The following ADCY9 variants were observed in gnomAD, a reference collection of about 807,000 sequenced individuals.
ADCY9 encodes the protein adenylate cyclase type 9.
Under a neutral mutation model 101.5 loss-of-function variants are expected in ADCY9, and 50 were observed. The ratio of observed to expected loss-of-function variants is 0.49; its 90% CI spans 0.39 to 0.62. ADCY9 has a LOEUF of 0.62. Ranked by LOEUF, ADCY9 falls within the 20% of genes least tolerant of loss-of-function variation. The probability of loss-of-function intolerance (pLI) is 0.00; values close to 1 mark genes in which losing one functional copy is unlikely to be tolerated. For missense variants in ADCY9, 1,662 were observed against 1,800.4 expected (o/e 0.92, Z 1.39); for synonymous variants, 905 against 769.3 (o/e 1.18, Z -2.92).
chr16:4,034,550 C>T lies in ADCY9; in HGVS notation c.1694-26992G>A, dbSNP rs576903350. On this transcript the variant is annotated intron_variant, in intron 2 of 10. Transcript: ENST00000294016. ...TCAGCCTCCTGAGTAGCTGGGATTACAGGCACCTGCCACCAGGCCCAGCTA... is the reference window on the plus strand; with the variant it reads ...TCAGCCTCCTGAGTAGCTGGGATTATAGGCACCTGCCACCAGGCCCAGCTA... 2.0e-5 allele frequency among the ~76,000 whole-genome samples: 3 copies of T among 152,284 alleles called. No homozygotes were observed. In the East Asian group the frequency reaches 5.8e-4, roughly 29 times the overall value.
At chr16:4,046,609 C>T (rs1489365653) in intron 2 of ADCY9, among the ~76,000 whole-genome samples, 1 of 152,192 alleles carries the variant, frequency 6.6e-6, no homozygotes, top group African/African-American at 2.4e-5. Context: ...GGCTGTTTTA[C>T]AGCCCTTTAA....
Position 4,115,935 on chromosome 16 carries a change from G to A in ADCY9, c.-289C>T, listed in dbSNP as rs1414162533. ...CGGAGCCCTCCATCCTGCAGGAGCCGCGCTCCGATGCGTCAAAGGCGGCGC... is the reference window on the plus strand; with the variant it reads ...CGGAGCCCTCCATCCTGCAGGAGCCACGCTCCGATGCGTCAAAGGCGGCGC... On this transcript the variant is annotated 5_prime_UTR_variant, in exon 1 of 11. Transcript: ENST00000294016. This position sits in a 1 kb window ranked among gnomAD's most constrained non-coding sequence, Gnocchi z 6.2. The A allele has an allele frequency of 5.3e-6, 2 of 380,400 alleles. No individual in the cohort carries two copies. The highest frequency in any genetic ancestry group is 3.7e-5 in the East Asian group (1 of 26,914). The allele number at this position is 380,400 out of a possible 1,614,324, so 23.6% of individuals were successfully genotyped here.
At chr16:4,092,239 C>T (rs750781239) in intron 2 of ADCY9, among the ~76,000 whole-genome samples, 17 of 152,144 alleles carry the variant, frequency 1.1e-4, no homozygotes, top group Admixed American at 2.6e-4. Context: ...CACTGCACTC[C>T]GGTCTAGGCA....
chr16:4,071,318 C>T lies in ADCY9; in HGVS notation c.1693+42432G>A, dbSNP rs960499590. Among the ~76,000 whole-genome samples, 7 of 72,258 alleles carry T rather than the reference C, an allele frequency of 9.7e-5. No individual in the cohort carries two copies. In the South Asian group the frequency reaches 1.7e-3, roughly 17 times the overall value. The allele number at this position is 72,258 out of a possible 152,430, so 47.4% of individuals were successfully genotyped here. ...TGCACTCCAGCCTGGGCAACAAAAG[C>T]GAAACTCAGTCTCCAAAAAAAAAAA... On this transcript the variant is annotated intron_variant, in intron 2 of 10. Coordinates refer to ENST00000294016, the MANE Select transcript of ADCY9 (RefSeq NM_001116.4).
intron 2 of ADCY9, among the ~76,000 whole-genome samples, chr16:4,080,792 A>G (rs2056897152): frequency 6.6e-6 from 1 of 150,460 alleles, no homozygotes; most frequent in Non-Finnish European, 1.5e-5. Context: ...TCCCGTAGAG[A>G]GCACTTTTTC....
intron 2 of ADCY9, among the ~76,000 whole-genome samples, chr16:4,013,324 G>A (rs1395829930): frequency 6.6e-6 from 1 of 152,176 alleles, no homozygotes. Context: ...GGGAGGCTGA[G>A]GCAGGAGAAT....
chr16:4,090,005 G>A (rs527482879), intron 2 of ADCY9, among the ~76,000 whole-genome samples: 4 of 152,070 alleles, frequency 2.6e-5, no homozygotes, highest in Admixed American at 6.5e-5. Context: ...CCGTGGGCCC[G>A]AGGGCTGCTT....
intron 2 of ADCY9, among the ~76,000 whole-genome samples, chr16:4,041,506 CAAAAAAAAAA>C (rs55669348): frequency 2.1e-5 from 2 of 94,620 alleles, no homozygotes; most frequent in Non-Finnish European, 4.1e-5. Flanking sequence ...GTATTAAAAC[CAAAAAAAAAA>C]AAAAAAAAAA....
downstream of ADCY9, among the ~76,000 whole-genome samples, chr16:3,958,955 G>A (rs892948942): frequency 1.3e-5 from 2 of 151,920 alleles, no homozygotes; most frequent in Non-Finnish European, 2.9e-5. Flanking sequence ...GACCACAGGC[G>A]GGAGCCACCA....
intron 2 of ADCY9, among the ~76,000 whole-genome samples, chr16:4,066,834 A>G (rs528652466): frequency 5.9e-5 from 9 of 152,380 alleles, no homozygotes; most frequent in Non-Finnish European, 1.2e-4. Context: ...AGGAGCTATT[A>G]GAATTTCAAA....
chr16:4,042,293 T>C (rs1420267040), intron 2 of ADCY9, among the ~76,000 whole-genome samples: 1 of 152,040 alleles, frequency 6.6e-6, no homozygotes, highest in African/African-American at 2.4e-5. Flanking sequence ...TCTCAAACTC[T>C]TGGGCTTAAG....
intron 2 of ADCY9, among the ~76,000 whole-genome samples, chr16:4,009,025 C>A (rs1342516418): frequency 1.3e-5 from 2 of 152,172 alleles, no homozygotes; most frequent in Non-Finnish European, 2.9e-5. Flanking sequence ...GGGACTACTT[C>A]ATCAATAATC....
intron 9 of ADCY9, among the ~76,000 whole-genome samples, chr16:3,975,050 G>A (rs537217969): frequency 1.6e-4 from 25 of 152,286 alleles, no homozygotes; most frequent in African/African-American, 4.8e-4. Flanking sequence ...CCCCAGATCT[G>A]CTATTTGAAC....
intron 2 of ADCY9, among the ~76,000 whole-genome samples, chr16:4,048,563 G>A (rs1313704931): frequency 1.3e-5 from 2 of 152,160 alleles, no homozygotes; most frequent in Non-Finnish European, 2.9e-5. Flanking sequence ...AGAGGGACAC[G>A]GGTGAGATGA....
intron 2 of ADCY9, among the ~76,000 whole-genome samples, chr16:4,044,183 C>T (rs1224906052): frequency 6.6e-6 from 1 of 151,924 alleles, no homozygotes; most frequent in East Asian, 1.9e-4. Flanking sequence ...CCCATCTCTA[C>T]TAAAAATACA....
intron 2 of ADCY9, chr16:4,015,493 T>A (rs984146017): frequency 6.6e-6 from 1 of 152,452 alleles, no homozygotes; most frequent in South Asian, 2.1e-4. Flanking sequence ...CCAGGTGCTA[T>A]CGCTGTCATT....
chr16:4,059,779 T>A (rs2056763373), intron 2 of ADCY9, among the ~76,000 whole-genome samples: 1 of 152,114 alleles, frequency 6.6e-6, no homozygotes, highest in Admixed American at 6.6e-5. Context: ...ACACCTGTAG[T>A]CTCAGCCACT....
rs552747318 is a variant in ADCY9, at chr16:4,030,987, C to A, written c.1694-23429G>T. On this transcript the variant is annotated intron_variant, in intron 2 of 10. Transcript: ENST00000294016. ...AAATTTATTTTAAGAAACAGGAAAC[C>A]AAACTCTTCAAAAATGCCAATAGCA... is the stretch of plus-strand genomic sequence containing the variant. Among the ~76,000 whole-genome samples the A allele has an allele frequency of 2.6e-5, 4 of 151,976 alleles. No individual in the cohort carries two copies. In the East Asian group the frequency reaches 7.7e-4, roughly 29 times the overall value.
chr16:4,075,014 A>G (rs2056858177), intron 2 of ADCY9, among the ~76,000 whole-genome samples: 1 of 152,074 alleles, frequency 6.6e-6, no homozygotes, highest in Non-Finnish European at 1.5e-5. Context: ...CGTCTCCACA[A>G]AAAAATAGAA....
Sources: gnomAD v4.1 joint callset for allele counts (sites outside exome capture counted in the v4.1 genomes callset) on GRCh38, gnomAD v4.1.1 for gene constraint, Gnocchi (gnomAD v3.1) non-coding constraint, MANE v1.5 for transcripts, NCBI Gene and HGNC (gene_info 2026-07-23, HGNC 2026-07-21) for gene names.